TMEM132D: variants seen among roughly 807,000 people sequenced by gnomAD.
TMEM132D encodes the protein mature OL transmembrane protein.
A neutral mutation model predicts 62.3 loss-of-function variants in TMEM132D; 21 were observed. That is an observed-to-expected ratio of 0.34 (90% CI 0.24 to 0.49). TMEM132D has a LOEUF of 0.49. Ranked by LOEUF, TMEM132D falls within the 20% of genes least tolerant of loss-of-function variation. The probability of loss-of-function intolerance (pLI) is 0.99; values close to 1 mark genes in which losing one functional copy is unlikely to be tolerated. For missense variants in TMEM132D, 1,346 were observed against 1,402.8 expected (o/e 0.96, Z 0.65); for synonymous variants, 621 against 575.6 (o/e 1.08, Z -1.13).
chr12:129,311,989 G>A (rs145326986), intron 4 of TMEM132D, among the ~76,000 whole-genome samples: 6 of 152,266 alleles, frequency 3.9e-5, no homozygotes, highest in Admixed American at 1.3e-4. Flanking sequence ...GTGTGCAATG[G>A]TCTTCAGCAG....
At chr12:129,766,315 C>T (rs1299287043) in intron 1 of TMEM132D, among the ~76,000 whole-genome samples, 1 of 152,126 alleles carries the variant, frequency 6.6e-6, no homozygotes, top group Non-Finnish European at 1.5e-5. Flanking sequence ...ATGGTAAAGC[C>T]TTTTCAGGAG....
rs564982976 is a variant in TMEM132D, at chr12:129,567,323, G to A, written c.969-36118C>T. ...CCAATTCATGATATTATACAATCAC[G>A]TGTAGATACAAGAACCATTCAAAAT... On this transcript the variant is annotated intron_variant, in intron 2 of 8. Transcript: ENST00000422113. 5.2e-4 allele frequency among the ~76,000 whole-genome samples: 79 copies of A among 152,266 alleles called. 1 individual carries two copies. The highest frequency in any genetic ancestry group is 1.8e-3 in the African/African-American group (73 of 41,534).
At chr12:129,848,849 G>A (rs1036155343) in intron 1 of TMEM132D, among the ~76,000 whole-genome samples, 4 of 152,178 alleles carry the variant, frequency 2.6e-5, no homozygotes, top group Non-Finnish European at 5.9e-5. Context: ...GGACAACCAC[G>A]TGAAGAAGTG....
rs146285490 is a variant in TMEM132D at position 129,488,357 on chromosome 12, T to C, written c.1115+42702A>G. ...CTTGCATTCCAATCACTAAACTATA[T>C]GATGTTAACATGTACTTTCAATTAT... On this transcript the variant is annotated intron_variant, in intron 3 of 8. Coordinates refer to ENST00000422113, the MANE Select transcript of TMEM132D (RefSeq NM_133448.3). Among the ~76,000 whole-genome samples the C allele has an allele frequency of 2.0e-3, 312 of 152,252 alleles. 1 individual carries two copies. Among genetic ancestry groups the C allele is most frequent in the African/African-American group, 7.0e-3 (290 of 41,542 alleles).
At chr12:129,394,809 T>G (rs967486788) in intron 3 of TMEM132D, among the ~76,000 whole-genome samples, 5 of 152,262 alleles carry the variant, frequency 3.3e-5, no homozygotes, top group Middle Eastern at 3.4e-3. Flanking sequence ...CACAGAAACT[T>G]TAGTGGTTGC....
chr12:129,299,762 C>T (rs563534847), intron 4 of TMEM132D, among the ~76,000 whole-genome samples: 4 of 151,870 alleles, frequency 2.6e-5, no homozygotes, highest in South Asian at 2.1e-4. Context: ...CCATTTCAGA[C>T]GTCCTTCAGG....
intron 2 of TMEM132D, among the ~76,000 whole-genome samples, chr12:129,627,189 G>A (rs1348993027): frequency 6.6e-6 from 1 of 152,182 alleles, no homozygotes; most frequent in Non-Finnish European, 1.5e-5. Flanking sequence ...AAACAGTCAT[G>A]CACTGCACAA....
chr12:129,568,450 T>C (rs1877425012), intron 2 of TMEM132D, among the ~76,000 whole-genome samples: 1 of 152,226 alleles, frequency 6.6e-6, no homozygotes, highest in Non-Finnish European at 1.5e-5. Context: ...CATTGTTTTA[T>C]GACACAATTT....
intron 2 of TMEM132D, among the ~76,000 whole-genome samples, chr12:129,694,004 G>A (rs546624067): frequency 6.6e-6 from 1 of 152,244 alleles, no homozygotes; most frequent in African/African-American, 2.4e-5. Flanking sequence ...TCATCCTTAG[G>A]AGCAGCCTGC....
intron 3 of TMEM132D, among the ~76,000 whole-genome samples, chr12:129,349,641 T>TA (rs2135667145): frequency 6.6e-6 from 1 of 152,330 alleles, no homozygotes; most frequent in East Asian, 1.9e-4. Flanking sequence ...TAGTAAGGCC[T>TA]GTTCAGCACA....
chr12:129,658,193 A>G (rs1349597292), intron 2 of TMEM132D, among the ~76,000 whole-genome samples: 1 of 152,228 alleles, frequency 6.6e-6, no homozygotes, highest in Non-Finnish European at 1.5e-5. Flanking sequence ...TAGGAAAAGA[A>G]AGCAGCATCA....
intron 3 of TMEM132D, chr12:129,522,802 C>T (rs190180738): frequency 2.0e-5 from 3 of 151,808 alleles, no homozygotes; most frequent in South Asian, 4.2e-4. Flanking sequence ...ATTACTAATA[C>T]ATATGTAAAT....
intron 3 of TMEM132D, among the ~76,000 whole-genome samples, chr12:129,355,512 A>T (rs1870014420): frequency 6.6e-6 from 1 of 152,152 alleles, no homozygotes; most frequent in South Asian, 2.1e-4. Flanking sequence ...AATTGGTAAA[A>T]TTTTGAAAAC....
intron 8 of TMEM132D, among the ~76,000 whole-genome samples, chr12:129,077,959 C>T (rs1210960131): frequency 2.6e-5 from 4 of 152,190 alleles, no homozygotes; most frequent in Non-Finnish European, 1.5e-5. Flanking sequence ...ACACAAAACA[C>T]ACTCTATTAG....
chr12:129,090,397 G>A (rs149260087), intron 5 of TMEM132D, among the ~76,000 whole-genome samples: 3 of 152,300 alleles, frequency 2.0e-5, no homozygotes, highest in East Asian at 3.9e-4. Flanking sequence ...GCTGGGCGCA[G>A]GCTCACACCT....
At chr12:129,502,088 C>T (rs1487581419) in intron 3 of TMEM132D, among the ~76,000 whole-genome samples, 2 of 152,048 alleles carry the variant, frequency 1.3e-5, no homozygotes, top group Admixed American at 6.5e-5. Flanking sequence ...CAACCTCCGC[C>T]TCCCGGGTTC....
At chr12:129,507,758 G>A (rs937760419) in intron 3 of TMEM132D, among the ~76,000 whole-genome samples, 2 of 152,146 alleles carry the variant, frequency 1.3e-5, no homozygotes, top group East Asian at 3.9e-4. Context: ...TGAGTGCAGT[G>A]TATACTGCTC....
chr12:129,348,473 C>T (rs1869759209), intron 3 of TMEM132D, among the ~76,000 whole-genome samples: 2 of 152,026 alleles, frequency 1.3e-5, no homozygotes, highest in African/African-American at 2.4e-5. Context: ...CCAAACACCA[C>T]GTGTTCCCAC....
Position 129,261,166 on chromosome 12 carries a change from G to C in TMEM132D, c.1300-51503C>G, listed in dbSNP as rs531078950. On this transcript the variant is annotated intron_variant, in intron 4 of 8. Transcript: ENST00000422113. ...GGTTCTAAGTGAGATTTTTTTAAAA[G>C]GGCTGTTTATTAGTTTGCTAGGGCT... Among the ~76,000 whole-genome samples the C allele has an allele frequency of 9.2e-5, 14 of 152,122 alleles. No homozygotes were observed. The South Asian group carries it at 2.7e-3, about 29-fold the overall frequency.
Sources: gnomAD v4.1 joint callset for allele counts (sites outside exome capture counted in the v4.1 genomes callset) on GRCh38, gnomAD v4.1.1 for gene constraint, MANE v1.5 for transcripts, NCBI Gene and HGNC (gene_info 2026-07-23, HGNC 2026-07-21) for gene names.